Variants in GRID1 observed in about 807,000 individuals in gnomAD.
The protein encoded by GRID1 is glutamate receptor ionotropic, delta-1.
GRID1 carries 28 observed loss-of-function variants against 98.0 expected under a neutral mutation model. The observed-to-expected ratio is 0.29, with a 90% CI of 0.21 to 0.39. The LOEUF is 0.39. Ranked by LOEUF, GRID1 falls within the 10% of genes least tolerant of loss-of-function variation. The pLI, the probability that GRID1 is intolerant of heterozygous loss-of-function variation, is 1.00. For synonymous variants in GRID1, 553 were observed against 538.5 expected (o/e 1.03, Z -0.37); for missense variants, 1,111 against 1,340.5 (o/e 0.83, Z 2.67).
intron 4 of GRID1, among the ~76,000 whole-genome samples, chr10:86,077,913 T>A (rs1003966176): frequency 2.0e-5 from 3 of 152,228 alleles, no homozygotes; most frequent in African/African-American, 7.2e-5. Context: ...TGGCCTGGCC[T>A]ACAAAGCAAG....
At chr10:85,869,967 A>C (rs1222147601) in intron 5 of GRID1, among the ~76,000 whole-genome samples, 21 of 152,228 alleles carry the variant, frequency 1.4e-4, no homozygotes, top group Admixed American at 1.3e-3. Flanking sequence ...TTTCCAGAAC[A>C]GGGCTTCCAT....
chr10:86,237,840 G>A (rs1846566078), intron 2 of GRID1, among the ~76,000 whole-genome samples: 1 of 152,130 alleles, frequency 6.6e-6, no homozygotes. Context: ...ACAGCCTGTG[G>A]AACTGAGTCA....
intron 8 of GRID1, among the ~76,000 whole-genome samples, chr10:85,818,345 G>GACAC (rs1411974674): frequency 1.0e-5 from 1 of 95,568 alleles, no homozygotes; most frequent in Non-Finnish European, 2.3e-5. Context: ...TGGATGAATG[G>GACAC]ATAGATAGAC....
intron 5 of GRID1, among the ~76,000 whole-genome samples, chr10:85,884,146 A>G (rs1430025371): frequency 6.6e-6 from 1 of 152,012 alleles, no homozygotes; most frequent in East Asian, 1.9e-4. Flanking sequence ...CATAGATGTT[A>G]CTCTTGATGG....
At chr10:86,083,214 T>A (rs1425054788) in intron 4 of GRID1, among the ~76,000 whole-genome samples, 2 of 152,236 alleles carry the variant, frequency 1.3e-5, no homozygotes, top group Non-Finnish European at 2.9e-5. Flanking sequence ...TGCAGTTGTA[T>A]CTAAAGCATC....
intron 8 of GRID1, among the ~76,000 whole-genome samples, chr10:85,739,843 T>C (rs1841923004): frequency 6.6e-6 from 1 of 152,146 alleles, no homozygotes; most frequent in South Asian, 2.1e-4. Context: ...TTTAAAAGCT[T>C]ATTTCTTTTT....
chr10:85,612,105 G>C (rs1842738645), intron 15 of GRID1, among the ~76,000 whole-genome samples: 1 of 152,186 alleles, frequency 6.6e-6, no homozygotes. Context: ...GACAGCATAA[G>C]GACAGAGAGC....
At chr10:86,181,808 ACTTAT>A (rs1161750255) in intron 3 of GRID1, among the ~76,000 whole-genome samples, 1 of 152,182 alleles carries the variant, frequency 6.6e-6, no homozygotes, top group East Asian at 1.9e-4. Context: ...ACTCAGTGGT[ACTTAT>A]CTTGTTGGCT....
intron 8 of GRID1, among the ~76,000 whole-genome samples, chr10:85,740,348 T>C (rs138987678): frequency 1.4e-3 from 218 of 152,340 alleles, no homozygotes; most frequent in African/African-American, 4.9e-3. Flanking sequence ...GTCTCTATTA[T>C]GCTCAGGCTC....
intron 8 of GRID1, among the ~76,000 whole-genome samples, chr10:85,839,530 AAAT>A (rs1445347661): frequency 6.6e-6 from 1 of 152,216 alleles, no homozygotes; most frequent in Non-Finnish European, 1.5e-5. Context: ...ACTTTCTGGT[AAAT>A]AATAATATTA....
At chr10:86,283,076 G>A (rs557421116) in intron 2 of GRID1, among the ~76,000 whole-genome samples, 13 of 152,190 alleles carry the variant, frequency 8.5e-5, no homozygotes, top group Admixed American at 2.0e-4. Flanking sequence ...CCTACCCTAG[G>A]CACCTATCTG....
intron 5 of GRID1, among the ~76,000 whole-genome samples, chr10:85,906,827 A>G (rs893047472): frequency 1.3e-5 from 2 of 152,142 alleles, no homozygotes; most frequent in Non-Finnish European, 2.9e-5. Flanking sequence ...GGGAAAAAAG[A>G]GCAAATTAAA....
chr10:86,309,177 T>C (rs1036497730), intron 2 of GRID1, among the ~76,000 whole-genome samples: 1 of 152,140 alleles, frequency 6.6e-6, no homozygotes, highest in Non-Finnish European at 1.5e-5. Flanking sequence ...TTCAGAGCAT[T>C]AATTTTCTTA....
At position 86,227,894 on chromosome 10, in the gene GRID1, T is replaced by C. The variant is rs192709419; in HGVS notation, c.236-21246A>G. Among the ~76,000 whole-genome samples the C allele has an allele frequency of 2.8e-4, 43 of 152,252 alleles. 1 individual carries two copies. Among genetic ancestry groups the C allele is most frequent in the Admixed American group, 2.4e-3 (37 of 15,304 alleles). On this transcript the variant is annotated intron_variant, in intron 2 of 15. Coordinates refer to ENST00000327946, the MANE Select transcript of GRID1 (RefSeq NM_017551.3). ...TGCATGGTGCCTGACACATGGTAGATACATAGTAAACACTGAGGAAAATGC... is the reference window on the plus strand; with the variant it reads ...TGCATGGTGCCTGACACATGGTAGACACATAGTAAACACTGAGGAAAATGC...
chr10:85,934,285 C>T (rs1841897036), intron 4 of GRID1, among the ~76,000 whole-genome samples: 1 of 151,996 alleles, frequency 6.6e-6, no homozygotes, highest in Admixed American at 6.6e-5. Context: ...CCTGTGAAGT[C>T]AAGAAAGAGC....
chr10:85,786,004 A>G (rs374681262), intron 8 of GRID1, among the ~76,000 whole-genome samples: 3 of 152,048 alleles, frequency 2.0e-5, no homozygotes, highest in East Asian at 1.9e-4. Context: ...ACGTACACAT[A>G]CTATACACAT....
intron 8 of GRID1, among the ~76,000 whole-genome samples, chr10:85,805,196 G>T (rs1380646657): frequency 6.6e-6 from 1 of 151,446 alleles, no homozygotes; most frequent in South Asian, 2.1e-4. Context: ...CAAAAACCTG[G>T]TATCTGTCTA....
At chr10:86,121,466 CCAT>C (rs1221838447) in intron 4 of GRID1, among the ~76,000 whole-genome samples, 10 of 31,060 alleles carry the variant, frequency 3.2e-4, no homozygotes, top group African/African-American at 7.1e-4. Context: ...ATCACCATCA[CCAT>C]CATCATCACT....
chr10:86,129,840 A>T (rs925779794), intron 4 of GRID1, among the ~76,000 whole-genome samples: 1 of 152,212 alleles, frequency 6.6e-6, no homozygotes, highest in Non-Finnish European at 1.5e-5. Context: ...GCAGTCTTCC[A>T]TCTAGAGGAG....
Sources: allele counts gnomAD v4.1 joint callset (sites outside exome capture counted in the v4.1 genomes callset), GRCh38; gene constraint gnomAD v4.1.1; transcripts MANE v1.5; gene names NCBI Gene and HGNC (gene_info 2026-07-23, HGNC 2026-07-21).